Variants in UNC13C observed in about 807,000 individuals in gnomAD.
UNC13C encodes the protein unc-13 homolog C.
Under a neutral mutation model 245.4 loss-of-function variants are expected in UNC13C, and 174 were observed. The observed-to-expected ratio is 0.71, with a 90% CI of 0.63 to 0.80. The LOEUF (loss-of-function observed/expected upper bound fraction) is 0.80, where lower values mean the gene tolerates loss of function less well. Ranked by LOEUF, UNC13C falls within the 30% of genes least tolerant of loss-of-function variation. The pLI, the probability that UNC13C is intolerant of heterozygous loss-of-function variation, is 0.00. For synonymous variants in UNC13C, 992 were observed against 895.1 expected (o/e 1.11, Z -1.93); for missense variants, 2,829 against 2,602.9 (o/e 1.09, Z -1.89).
chr15:54,027,642 A>G (rs749921163), intron 2 of UNC13C, among the ~76,000 whole-genome samples: 8 of 152,164 alleles, frequency 5.3e-5, no homozygotes, highest in Non-Finnish European at 8.8e-5. Context: ...AAGTGCTGGG[A>G]TCACAGACGT....
At chr15:54,039,965 C>T (rs76773898) in intron 2 of UNC13C, among the ~76,000 whole-genome samples, 3,911 of 152,110 alleles carry the variant, frequency 0.026, 161 homozygotes, top group African/African-American at 0.089. Flanking sequence ...ATGTCATCCT[C>T]TTTTCAAAAC....
At chr15:54,240,592 C>A (rs1308432766) in intron 7 of UNC13C, among the ~76,000 whole-genome samples, 6 of 152,194 alleles carry the variant, frequency 3.9e-5, no homozygotes, top group Non-Finnish European at 7.3e-5. Context: ...CTAGCACTGC[C>A]TCCTTCACTA....
chr15:54,345,566 G>A lies in UNC13C; in HGVS notation c.4713+7077G>A, dbSNP rs143789431. Among the ~76,000 whole-genome samples the A allele has an allele frequency of 3.0e-4, 46 of 152,278 alleles. 1 individual carries two copies. In the East Asian group the frequency reaches 6.4e-3, roughly 21 times the overall value. ...GGTGAAGGGCTGCCTAGTCAGCCTCGGACTTTGGGTGTTTAAGAAATAACC... is the reference window on the plus strand; with the variant it reads ...GGTGAAGGGCTGCCTAGTCAGCCTCAGACTTTGGGTGTTTAAGAAATAACC... On this transcript the variant is annotated intron_variant, in intron 17 of 32. Coordinates refer to ENST00000260323, the MANE Select transcript of UNC13C (RefSeq NM_001080534.3).
chr15:54,047,568 C>T (rs949716840), intron 2 of UNC13C, among the ~76,000 whole-genome samples: 1 of 152,088 alleles, frequency 6.6e-6, no homozygotes, highest in Non-Finnish European at 1.5e-5. Flanking sequence ...CCTGTTGTAG[C>T]ATTTATCAGA....
At chr15:54,586,277 C>G (rs148271947) in intron 30 of UNC13C, among the ~76,000 whole-genome samples, 28 of 152,308 alleles carry the variant, frequency 1.8e-4, no homozygotes, top group African/African-American at 6.7e-4. Context: ...TCCTTATAGG[C>G]TTCTTAACAA....
chr15:54,187,890 A>T (rs1447793240), intron 4 of UNC13C, among the ~76,000 whole-genome samples: 1 of 150,298 alleles, frequency 6.7e-6, no homozygotes, highest in Non-Finnish European at 1.5e-5. Context: ...GCTCACTGCA[A>T]CCTCCACCTC....
At chr15:53,902,721 A>G in the UNC13C span, among the ~76,000 whole-genome samples, 5 of 152,224 alleles carry the variant, frequency 3.3e-5, no homozygotes, top group Non-Finnish European at 7.3e-5. Flanking sequence ...GAATGATAGA[A>G]GCCAATACAG....
intron 4 of UNC13C, among the ~76,000 whole-genome samples, chr15:54,158,124 T>C (rs1186018252): frequency 3.9e-5 from 6 of 152,168 alleles, no homozygotes; most frequent in Non-Finnish European, 8.8e-5. Context: ...CAGGATAGAA[T>C]GGTGAGTTCT....
At chr15:53,847,368 T>C in the UNC13C span, among the ~76,000 whole-genome samples, 1 of 151,930 alleles carries the variant, frequency 6.6e-6, no homozygotes. Context: ...TTTTTTTTTT[T>C]TTTCTGAGAT....
At chr15:53,904,030 T>C in the UNC13C span, among the ~76,000 whole-genome samples, 1 of 152,198 alleles carries the variant, frequency 6.6e-6, no homozygotes, top group East Asian at 1.9e-4. Context: ...TTAATATGAA[T>C]ATCACACACA....
intron 25 of UNC13C, among the ~76,000 whole-genome samples, chr15:54,527,326 A>G (rs1013492210): frequency 6.6e-6 from 1 of 152,182 alleles, no homozygotes; most frequent in Non-Finnish European, 1.5e-5. Flanking sequence ...TGGGGTTAGC[A>G]GAAAGACTGT....
chr15:54,250,867 C>G (rs1050644051), intron 8 of UNC13C, among the ~76,000 whole-genome samples: 1 of 150,764 alleles, frequency 6.6e-6, no homozygotes, highest in African/African-American at 2.4e-5. Context: ...CGCCATTCTC[C>G]GGCCTCAGCC....
chr15:54,297,261 T>C (rs964073763), intron 11 of UNC13C, among the ~76,000 whole-genome samples: 1 of 152,214 alleles, frequency 6.6e-6, no homozygotes, highest in African/African-American at 2.4e-5. Flanking sequence ...CTGATTAGTT[T>C]TTTTATTTGG....
chr15:54,487,192 G>A (rs897906676), intron 19 of UNC13C, among the ~76,000 whole-genome samples: 1 of 152,080 alleles, frequency 6.6e-6, no homozygotes, highest in Non-Finnish European at 1.5e-5. Context: ...ATGAACCCAG[G>A]GATCCTGGAT....
chr15:54,311,655 A>C (rs1344742407), intron 13 of UNC13C, among the ~76,000 whole-genome samples: 3 of 151,712 alleles, frequency 2.0e-5, no homozygotes, highest in African/African-American at 7.2e-5. Flanking sequence ...TATTTTACTA[A>C]GTAATATTAA....
chr15:54,415,074 A>G lies in UNC13C; in HGVS notation c.4933+7A>G. 1 of 1,569,178 alleles carries G rather than the reference A, an allele frequency of 6.4e-7. No individual in the cohort carries two copies. The highest frequency in any genetic ancestry group is 8.7e-7 in the Non-Finnish European group (1 of 1,144,374). On this transcript the variant is annotated splice_region_variant and intron_variant, in intron 19 of 32. Coordinates refer to ENST00000260323, the MANE Select transcript of UNC13C (RefSeq NM_001080534.3). The stretch of plus-strand genomic sequence containing the variant: ...ATGAAATATGCATTAGAAGGTAATT[A>G]TAAATATTTATACTTATTCGAATAC...
At chr15:54,295,763 A>G (rs2037413117) in intron 11 of UNC13C, among the ~76,000 whole-genome samples, 2 of 152,234 alleles carry the variant, frequency 1.3e-5, no homozygotes, top group African/African-American at 4.8e-5. Flanking sequence ...TCAGCCATCT[A>G]GCTCTTATGC....
chr15:54,523,572 G>A (rs1895318391), intron 24 of UNC13C, among the ~76,000 whole-genome samples: 1 of 152,098 alleles, frequency 6.6e-6, no homozygotes, highest in Admixed American at 6.6e-5. Context: ...ACCTAAGGTG[G>A]ACTAAAATAA....
At chr15:54,150,839 T>A (rs997672425) in intron 4 of UNC13C, among the ~76,000 whole-genome samples, 1 of 152,202 alleles carries the variant, frequency 6.6e-6, no homozygotes, top group Admixed American at 6.5e-5. Context: ...CTATCTATAT[T>A]CCCAACCAGG....
Sources: gnomAD v4.1 joint callset for allele counts (sites outside exome capture counted in the v4.1 genomes callset) on GRCh38, gnomAD v4.1.1 for gene constraint, MANE v1.5 for transcripts, NCBI Gene and HGNC (gene_info 2026-07-23, HGNC 2026-07-21) for gene names.